The following GSE1 variants were observed in gnomAD, a reference collection of about 807,000 sequenced individuals.
GSE1 encodes the protein genetic suppressor element 1.
Under a neutral mutation model 112.6 loss-of-function variants are expected in GSE1, and 32 were observed. That is an observed-to-expected ratio of 0.28 (90% CI 0.21 to 0.38). GSE1 has a LOEUF of 0.38. GSE1 is among the 10% of genes least tolerant of loss of function. GSE1 has a pLI of 1.00. For missense variants in GSE1, 2,348 were observed against 1,699.2 expected, an observed-to-expected ratio of 1.38 and a Z score of -6.71; for synonymous variants, 1,115 against 735.6, an observed-to-expected ratio of 1.52 and a Z score of -8.35.
At chr16:85,229,099 C>T (rs1212034663) in intron 1 of GSE1, among the ~76,000 whole-genome samples, 1 of 152,250 alleles carries the variant, frequency 6.6e-6, no homozygotes, top group Non-Finnish European at 1.5e-5. Context: ...GCACAGCCTG[C>T]AGCGTGGGGG....
intron 2 of GSE1, among the ~76,000 whole-genome samples, chr16:85,505,043 C>T (rs551393340): frequency 1.3e-5 from 2 of 152,272 alleles, no homozygotes; most frequent in South Asian, 4.1e-4. Context: ...CCCCACGTGA[C>T]CCAGCACTCC....
intron 1 of GSE1, among the ~76,000 whole-genome samples, chr16:85,290,965 TCA>T (rs1193648073): frequency 1.1e-4 from 16 of 152,166 alleles, no homozygotes; most frequent in Admixed American, 9.2e-4. Context: ...GTGCCCGTTC[TCA>T]GTGTCAGAGC....
intron 1 of GSE1, among the ~76,000 whole-genome samples, chr16:85,183,985 T>C (rs907777237): frequency 6.6e-6 from 1 of 152,252 alleles, no homozygotes; most frequent in Non-Finnish European, 1.5e-5. Flanking sequence ...TAATTGTTCA[T>C]ATTTGTTTCT....
At chr16:85,507,965 G>A (rs1000708831) in intron 2 of GSE1, among the ~76,000 whole-genome samples, 35 of 152,286 alleles carry the variant, frequency 2.3e-4, no homozygotes, top group African/African-American at 7.2e-4. Context: ...CAAAGAGTGT[G>A]CCCAGTCCCC....
rs74031777 is a variant in GSE1 at position 85,284,543 on chromosome 16, C to T, written c.2284-72920C>T. On this transcript the variant is annotated intron_variant, in intron 1 of 2. Transcript: ENST00000637419. ...ACAAAGCCCTGGATTTTCATGTCCACCAATTAAGGGATTTGCTGGGTTGAC... is the reference window on the plus strand; with the variant it reads ...ACAAAGCCCTGGATTTTCATGTCCATCAATTAAGGGATTTGCTGGGTTGAC... 8.9e-3 allele frequency among the ~76,000 whole-genome samples: 1,354 copies of T among 152,296 alleles called. 23 individuals carry two copies. The highest frequency in any genetic ancestry group is 0.031 in the African/African-American group (1,277 of 41,558).
chr16:85,657,714 G>C (rs1473128692), intron 8 of GSE1, 110 bp downstream of exon 8: 1 of 698,124 alleles, frequency 1.4e-6, no homozygotes, highest in Non-Finnish European at 2.2e-6. Flanking sequence ...GTTTCTGCCT[G>C]CCTCTTTCAT....
At chr16:85,422,888 G>T (rs2875942) in intron 2 of GSE1, among the ~76,000 whole-genome samples, 1 of 152,042 alleles carries the variant, frequency 6.6e-6, no homozygotes. Flanking sequence ...GGCTCCAGGG[G>T]TGGGGCCGCA....
chr16:85,518,978 G>T (rs75120050), intron 2 of GSE1, among the ~76,000 whole-genome samples: 11,457 of 152,112 alleles, frequency 0.075, 493 homozygotes, highest in African/African-American at 0.1. Flanking sequence ...GTTGAGAAGC[G>T]CACTCTGGAC....
exon 1 of GSE1, chr16:85,170,487 C>G: frequency 1.0e-6 from 1 of 985,652 alleles, no homozygotes; most frequent in Non-Finnish European, 1.2e-6. Flanking sequence ...CCTCCGAGGA[C>G]AGTGACATCA....
chr16:85,502,510 G>A (rs1567541735), intron 2 of GSE1, among the ~76,000 whole-genome samples: 1 of 152,212 alleles, frequency 6.6e-6, no homozygotes, highest in Admixed American at 6.5e-5. Flanking sequence ...GAGATTCTGA[G>A]GGCAACCGGG....
intron 2 of GSE1, among the ~76,000 whole-genome samples, chr16:85,371,080 A>G (rs1405511952): frequency 6.6e-6 from 1 of 152,136 alleles, no homozygotes; most frequent in African/African-American, 2.4e-5. Context: ...CTGGGCCTGG[A>G]GGGAGCCGGA....
At chr16:85,359,891 G>A (rs557746817) in intron 2 of GSE1, among the ~76,000 whole-genome samples, 9 of 152,068 alleles carry the variant, frequency 5.9e-5, no homozygotes, top group Non-Finnish European at 1.0e-4. Context: ...AAAATTAGCC[G>A]GGCATGGTGG....
intron 2 of GSE1, among the ~76,000 whole-genome samples, chr16:85,519,552 C>CCACCATCACCAGTCTCCATCAT (rs2052085876): frequency 5.8e-5 from 2 of 34,620 alleles, no homozygotes; most frequent in African/African-American, 2.0e-4. Context: ...ACTATTACCA[C>CCACCATCACCAGTCTCCATCAT]CATCACTATC....
chr16:85,441,556 G>C (rs1402682448), intron 2 of GSE1, among the ~76,000 whole-genome samples: 1 of 152,210 alleles, frequency 6.6e-6, no homozygotes, highest in South Asian at 2.1e-4. Flanking sequence ...TCAGGAGGCT[G>C]AAATCGCTTC....
At chr16:85,454,973 A>G (rs1364909010) in intron 2 of GSE1, among the ~76,000 whole-genome samples, 2 of 152,110 alleles carry the variant, frequency 1.3e-5, no homozygotes, top group East Asian at 3.9e-4. Flanking sequence ...CTTTCTGGAG[A>G]GCCGTAACTC....
At chr16:85,252,804 C>T (rs562173808) in intron 1 of GSE1, among the ~76,000 whole-genome samples, 3 of 152,344 alleles carry the variant, frequency 2.0e-5, no homozygotes, top group African/African-American at 4.8e-5. Context: ...GGTGACAGGA[C>T]GGGCCTGTCC....
intron 1 of GSE1, among the ~76,000 whole-genome samples, chr16:85,221,311 C>T (rs1395003852): frequency 2.9e-5 from 4 of 136,218 alleles, no homozygotes; most frequent in African/African-American, 5.5e-5. Context: ...TTCCCTAGCG[C>T]GCACACACAC....
intron 11 of GSE1, among the ~76,000 whole-genome samples, chr16:85,664,246 G>C (rs2052657131): frequency 6.6e-6 from 1 of 152,250 alleles, no homozygotes; most frequent in African/African-American, 2.4e-5. Context: ...GACGTTCCTG[G>C]CCCTGCCCCT....
intron 2 of GSE1, among the ~76,000 whole-genome samples, chr16:85,528,773 A>G (rs1476315631): frequency 6.6e-6 from 1 of 152,110 alleles, no homozygotes; most frequent in Non-Finnish European, 1.5e-5. Context: ...GTCTGGGGGA[A>G]GTGCAAGCTG....
Sources: gnomAD v4.1 joint callset for allele counts (sites outside exome capture counted in the v4.1 genomes callset) on GRCh38, gnomAD v4.1.1 for gene constraint, MANE v1.5 for transcripts, NCBI Gene and HGNC (gene_info 2026-07-23, HGNC 2026-07-21) for gene names.